The following NECAB1 variants were observed in gnomAD, a reference collection of about 807,000 sequenced individuals.
NECAB1 encodes the protein N-terminal EF-hand calcium binding protein 1, also known as N-terminal EF-hand calcium-binding protein 1.
Under a neutral mutation model 57.5 loss-of-function variants are expected in NECAB1, and 29 were observed. That is an observed-to-expected ratio of 0.50 (90% CI 0.38 to 0.69). The LOEUF is 0.69. NECAB1 is among the 30% of genes least tolerant of loss of function. NECAB1 has a pLI of 0.00. For synonymous variants in NECAB1, 142 were observed against 147.7 expected (o/e 0.96, Z 0.28); for missense variants, 372 against 413.8 (o/e 0.90, Z 0.88).
chr8:90,857,700 C>T (rs143022226), intron 3 of NECAB1, among the ~76,000 whole-genome samples: 5 of 152,184 alleles, frequency 3.3e-5, no homozygotes, highest in Non-Finnish European at 5.9e-5. Context: ...AGCTACAATT[C>T]TTCCTTGGTC....
intron 10 of NECAB1, among the ~76,000 whole-genome samples, chr8:90,942,273 C>T (rs1428888871): frequency 1.3e-5 from 2 of 152,156 alleles, no homozygotes; most frequent in Non-Finnish European, 2.9e-5. Context: ...TTCCCATCCA[C>T]TGAAGACGTG....
chr8:90,905,806 C>A (rs1809627108), intron 5 of NECAB1, among the ~76,000 whole-genome samples: 1 of 152,128 alleles, frequency 6.6e-6, no homozygotes, highest in Admixed American at 6.6e-5. Context: ...CATCTCTCTG[C>A]TTCAGTTTGG....
chr8:90,890,852 A>G (rs1276381828), intron 5 of NECAB1, among the ~76,000 whole-genome samples: 4 of 152,180 alleles, frequency 2.6e-5, no homozygotes, highest in Non-Finnish European at 5.9e-5. Flanking sequence ...TCTCACCATA[A>G]AGCAAAATGG....
intron 8 of NECAB1, among the ~76,000 whole-genome samples, chr8:90,929,144 G>T (rs1366321903): frequency 1.3e-5 from 2 of 152,130 alleles, no homozygotes; most frequent in Non-Finnish European, 2.9e-5. Context: ...CACAGAATGG[G>T]ATTCATAGTT....
At chr8:90,954,716 C>T (rs1422788852) in intron 12 of NECAB1, among the ~76,000 whole-genome samples, 1 of 150,886 alleles carries the variant, frequency 6.6e-6, no homozygotes, top group Non-Finnish European at 1.5e-5. Context: ...CTTGCTTATA[C>T]CCAATATTTA....
intron 6 of NECAB1, among the ~76,000 whole-genome samples, chr8:90,922,334 A>G (rs1586127729): frequency 1.3e-5 from 2 of 152,004 alleles, no homozygotes; most frequent in East Asian, 3.9e-4. Flanking sequence ...TCTCCTTTTG[A>G]TAGTTGTCTA....
At position 90,934,315 on chromosome 8, in the gene NECAB1, C is replaced by T. The variant is rs1467045775; in HGVS notation, c.705C>T (p.Leu235=). 2.5e-5 allele frequency: 38 copies of T among 1,515,048 alleles called. No individual in the cohort carries two copies. The highest frequency in any genetic ancestry group is 5.6e-5 in the African/African-American group (4 of 71,270). The allele number at this position is 1,515,048 out of a possible 1,614,324, so 93.9% of individuals were successfully genotyped here. ...IDRLEKKDLK[L]EPPEEEIIEG... is the part of the protein sequence containing the mutation. Reference sequence around the variant, plus strand: ...TCCTCTTATTGAAGGATCTCAAACTCGAACCACCAGAAGAAGAAATTATTG... The same window carrying T: ...TCCTCTTATTGAAGGATCTCAAACTTGAACCACCAGAAGAAGAAATTATTG... The change falls in exon 9 of 13, where the codon CTC becomes CTT. Residue 235 remains leucine (L), a synonymous_variant. Coordinates refer to ENST00000417640, the MANE Select transcript of NECAB1 (RefSeq NM_022351.5).
chr8:90,940,663 T>G, intron 9 of NECAB1, 123 bp from the exon 10 acceptor site: 2 of 697,012 alleles, frequency 2.9e-6, no homozygotes, highest in South Asian at 3.4e-5. Context: ...ATGGCCTTCC[T>G]TGGTCATATT....
chr8:90,926,110 T>G (rs1810263116), intron 7 of NECAB1, among the ~76,000 whole-genome samples: 1 of 152,220 alleles, frequency 6.6e-6, no homozygotes, highest in Non-Finnish European at 1.5e-5. Flanking sequence ...ATATAAGATT[T>G]ACTGGGCTAA....
intron 5 of NECAB1, among the ~76,000 whole-genome samples, chr8:90,901,443 A>T (rs564506026): frequency 6.6e-6 from 1 of 152,348 alleles, no homozygotes; most frequent in South Asian, 2.1e-4. Flanking sequence ...GTTTCTCTCC[A>T]GGTATGTTTA....
intron 10 of NECAB1, among the ~76,000 whole-genome samples, chr8:90,947,303 TACACACACACACACACACACACACACAC>T (rs71771328): frequency 5.1e-5 from 4 of 78,286 alleles, no homozygotes; most frequent in Non-Finnish European, 9.7e-5. Flanking sequence ...TAACAACACA[TACACACACACACACACACACACACACAC>T]ACACACACAC....
At chr8:90,834,309 G>C (rs1034420561) in intron 3 of NECAB1, among the ~76,000 whole-genome samples, 19 of 152,010 alleles carry the variant, frequency 1.2e-4, no homozygotes, top group Non-Finnish European at 1.5e-4. Context: ...CACTGCTATG[G>C]TCTGAATGTA....
intron 2 of NECAB1, among the ~76,000 whole-genome samples, chr8:90,807,838 A>G (rs1811878753): frequency 6.6e-6 from 1 of 152,234 alleles, no homozygotes; most frequent in Admixed American, 6.5e-5. Context: ...CTCGAAAGTC[A>G]AAGCAAAGTC....
At chr8:90,855,082 A>G (rs1338527376) in intron 3 of NECAB1, among the ~76,000 whole-genome samples, 1 of 152,204 alleles carries the variant, frequency 6.6e-6, no homozygotes, top group African/African-American at 2.4e-5. Flanking sequence ...ACAAACATGT[A>G]GCCCTCAGGA....
chr8:90,897,227 C>T lies in NECAB1; in HGVS notation c.357+16097C>T, dbSNP rs867720848. ...GAGGGGCACAGATTTACTATAGGTC[C>T]ACCACTTATCTGCGATTCCAAAATC... On this transcript the variant is annotated intron_variant, in intron 5 of 12. Coordinates refer to ENST00000417640, the MANE Select transcript of NECAB1 (RefSeq NM_022351.5). 4.6e-5 allele frequency among the ~76,000 whole-genome samples: 7 copies of T among 152,272 alleles called. No homozygotes were observed. The Middle Eastern group carries it at 0.014, about 296-fold the overall frequency.
chr8:90,907,130 G>A (rs1252807421), intron 5 of NECAB1, among the ~76,000 whole-genome samples: 1 of 107,592 alleles, frequency 9.3e-6, no homozygotes, highest in African/African-American at 5.5e-5. Context: ...TTTTGTGTGT[G>A]TGTGTGTGTG....
At chr8:90,877,351 TAGG>T (rs1808746728) in intron 4 of NECAB1, among the ~76,000 whole-genome samples, 1 of 152,160 alleles carries the variant, frequency 6.6e-6, no homozygotes, top group Non-Finnish European at 1.5e-5. Context: ...CCTTTTCTGA[TAGG>T]AGAATTTGAG....
chr8:90,895,047 G>A (rs1375172906), intron 5 of NECAB1, among the ~76,000 whole-genome samples: 1 of 152,202 alleles, frequency 6.6e-6, no homozygotes, highest in Admixed American at 6.5e-5. Flanking sequence ...GTATTTCCCT[G>A]AGTGATTGAC....
chr8:90,808,917 T>C (rs996641285), intron 2 of NECAB1, among the ~76,000 whole-genome samples: 7 of 152,112 alleles, frequency 4.6e-5, no homozygotes, highest in African/African-American at 1.7e-4. Context: ...AGTGCTGGGA[T>C]TACAGGCGTG....
Sources: gnomAD v4.1 joint callset for allele counts (sites outside exome capture counted in the v4.1 genomes callset) on GRCh38, gnomAD v4.1.1 for gene constraint, MANE v1.5 for transcripts, NCBI Gene and HGNC (gene_info 2026-07-23, HGNC 2026-07-21) for gene names.